CDH13: variants seen among roughly 807,000 people sequenced by gnomAD.
The protein encoded by CDH13 is cadherin-13.
A neutral mutation model predicts 63.8 loss-of-function variants in CDH13; 24 were observed. The ratio of observed to expected loss-of-function variants is 0.38; its 90% CI spans 0.27 to 0.53. The LOEUF is 0.53. Among genes scored for constraint, CDH13 ranks in the 20% least tolerant of loss-of-function variants. The pLI is 0.85. For missense variants in CDH13, 1,049 were observed against 903.1 expected, an observed-to-expected ratio of 1.16 and a Z score of -2.07; for synonymous variants, 503 against 355.3, an observed-to-expected ratio of 1.42 and a Z score of -4.67.
intron 5 of CDH13, among the ~76,000 whole-genome samples, chr16:83,329,677 C>T (rs560152193): frequency 6.6e-6 from 1 of 152,240 alleles, no homozygotes; most frequent in African/African-American, 2.4e-5. Flanking sequence ...TATAGCTACC[C>T]TTTGCCCCCT....
intron 1 of CDH13, among the ~76,000 whole-genome samples, chr16:82,849,937 C>T (rs1196550993): frequency 6.6e-6 from 1 of 152,204 alleles, no homozygotes; most frequent in East Asian, 1.9e-4. Context: ...ACTATATTCC[C>T]TTCAAATCTT....
chr16:83,418,856 G>C (rs1396536037), intron 6 of CDH13, among the ~76,000 whole-genome samples: 3 of 152,130 alleles, frequency 2.0e-5, no homozygotes, highest in African/African-American at 4.8e-5. Flanking sequence ...CTCTGTGAAG[G>C]TTGTTTTCCT....
intron 3 of CDH13, among the ~76,000 whole-genome samples, chr16:83,089,585 C>G (rs1414844881): frequency 6.6e-6 from 1 of 152,156 alleles, no homozygotes; most frequent in African/African-American, 2.4e-5. Flanking sequence ...GGTGCCTGCT[C>G]TGGAGGTGGG....
intron 1 of CDH13, among the ~76,000 whole-genome samples, chr16:82,690,191 C>G (rs1225236651): frequency 2.1e-5 from 3 of 141,810 alleles, no homozygotes; most frequent in African/African-American, 7.8e-5. Context: ...AAAAAATCTT[C>G]TCATGACCCC....
chr16:83,321,181 A>G (rs2090215643), intron 5 of CDH13, among the ~76,000 whole-genome samples: 1 of 152,224 alleles, frequency 6.6e-6, no homozygotes, highest in African/African-American at 2.4e-5. Context: ...AGACACAGAC[A>G]TCAATCTCTT....
At chr16:83,762,412 C>A (rs1914048595) in intron 11 of CDH13, among the ~76,000 whole-genome samples, 3 of 152,048 alleles carry the variant, frequency 2.0e-5, no homozygotes, top group Admixed American at 6.5e-5. Context: ...TAAGGAAAAA[C>A]CCAAGCGGTA....
chr16:82,866,011 T>A (rs2040123438), intron 2 of CDH13, among the ~76,000 whole-genome samples: 1 of 152,172 alleles, frequency 6.6e-6, no homozygotes, highest in Admixed American at 6.5e-5. Flanking sequence ...CTCTCTCAAG[T>A]TCAAAATTCT....
At chr16:83,237,069 C>A (rs569246519) in intron 5 of CDH13, among the ~76,000 whole-genome samples, 2 of 152,192 alleles carry the variant, frequency 1.3e-5, no homozygotes, top group South Asian at 4.1e-4. Context: ...GGGGACAAGG[C>A]AGATTCGAGG....
At chr16:82,982,608 A>G (rs1414045366) in intron 2 of CDH13, among the ~76,000 whole-genome samples, 1 of 152,204 alleles carries the variant, frequency 6.6e-6, no homozygotes, top group African/African-American at 2.4e-5. Context: ...TCATATCCCC[A>G]GAGAAATGCA....
intron 4 of CDH13, among the ~76,000 whole-genome samples, chr16:83,187,167 C>T (rs2038552144): frequency 1.3e-5 from 2 of 152,092 alleles, no homozygotes; most frequent in Admixed American, 1.3e-4. Flanking sequence ...AATGGGGTTT[C>T]ACCATGTTGG....
intron 6 of CDH13, among the ~76,000 whole-genome samples, chr16:83,456,704 G>A (rs986213027): frequency 3.3e-5 from 5 of 152,168 alleles, no homozygotes; most frequent in Non-Finnish European, 4.4e-5. Flanking sequence ...GTTCATGACC[G>A]TAATCCCAGC....
intron 6 of CDH13, among the ~76,000 whole-genome samples, chr16:83,372,695 T>G (rs1430489510): frequency 7.2e-6 from 1 of 139,114 alleles, no homozygotes; most frequent in Non-Finnish European, 1.5e-5. Flanking sequence ...GAGGTTGCAG[T>G]GAGCCGAGGT....
chr16:82,633,932 A>G (rs545267500), intron 1 of CDH13, among the ~76,000 whole-genome samples: 1 of 152,324 alleles, frequency 6.6e-6, no homozygotes, highest in East Asian at 1.9e-4. Flanking sequence ...AACTCCATAT[A>G]CACATATGAA....
rs1479255774 is a variant in CDH13, at chr16:83,175,511, G to A, written c.484-41834G>A. Among the ~76,000 whole-genome samples the A allele has an allele frequency of 1.8e-4, 27 of 152,024 alleles. 1 individual carries two copies. The highest frequency in any genetic ancestry group is 1.8e-3 in the Admixed American group (27 of 15,248). ...CATCCAGGAGAAACTGTATGGGGAT[G>A]GGGGCACCACTGACTGAATCAGAGC... On this transcript the variant is annotated intron_variant, in intron 4 of 13. Transcript: ENST00000567109.
intron 3 of CDH13, among the ~76,000 whole-genome samples, chr16:83,075,300 G>C (rs2032753481): frequency 6.6e-6 from 1 of 152,206 alleles, no homozygotes; most frequent in Non-Finnish European, 1.5e-5. Flanking sequence ...ACCACAAAGA[G>C]AGTGACTATG....
intron 1 of CDH13, among the ~76,000 whole-genome samples, chr16:82,697,257 C>G (rs1000689682): frequency 6.6e-6 from 1 of 152,000 alleles, no homozygotes; most frequent in Admixed American, 6.5e-5. Context: ...ATTCATGATT[C>G]AGTTTTAAGG....
intron 7 of CDH13, among the ~76,000 whole-genome samples, chr16:83,514,380 A>C (rs2074650359): frequency 6.6e-6 from 1 of 152,226 alleles, no homozygotes; most frequent in Admixed American, 6.5e-5. Context: ...TCGGTGGCTC[A>C]TGCCTGTAAT....
intron 1 of CDH13, among the ~76,000 whole-genome samples, chr16:82,840,210 C>A (rs146389951): frequency 2.6e-5 from 4 of 152,064 alleles, no homozygotes; most frequent in African/African-American, 9.6e-5. Context: ...CTTTTAGTGG[C>A]AAGCAGGTTT....
At chr16:82,739,322 A>G (rs1257683831) in intron 1 of CDH13, among the ~76,000 whole-genome samples, 1 of 152,202 alleles carries the variant, frequency 6.6e-6, no homozygotes, top group Non-Finnish European at 1.5e-5. Flanking sequence ...TTCTGCCAAG[A>G]TGGGGCTAGA....
Sources: allele counts gnomAD v4.1 joint callset (sites outside exome capture counted in the v4.1 genomes callset), GRCh38; gene constraint gnomAD v4.1.1; transcripts MANE v1.5; gene names NCBI Gene and HGNC (gene_info 2026-07-23, HGNC 2026-07-21).